Variants in SRGAP2C observed in about 807,000 individuals in gnomAD.
SRGAP2C encodes SLIT-ROBO Rho GTPase-activating protein 2C.
A neutral mutation model predicts 25.1 loss-of-function variants in SRGAP2C; 15 were observed. The observed-to-expected ratio is 0.60, with a 90% confidence interval of 0.40 to 0.92. The LOEUF is 0.92. SRGAP2C is among the 40% of genes least tolerant of loss of function. The pLI, the probability that SRGAP2C is intolerant of heterozygous loss-of-function variation, is 0.00. For missense variants in SRGAP2C, 144 were observed against 264.4 expected (o/e 0.54, Z 3.16); for synonymous variants, 44 against 96.6 (o/e 0.46, Z 3.19).
At chr1:121,313,666 A>G (rs1163486321) in intron 3 of SRGAP2C, among the ~76,000 whole-genome samples, 1 of 94,818 alleles carries the variant, frequency 1.1e-5, no homozygotes, top group Non-Finnish European at 2.2e-5. Context: ...AAAGTATTTT[A>G]TTTCTCCTTC....
intron 4 of SRGAP2C, among the ~76,000 whole-genome samples, chr1:121,337,681 A>G (rs1460087624): frequency 6.8e-6 from 1 of 146,894 alleles, no homozygotes; most frequent in Admixed American, 6.8e-5. Context: ...CCTCTCTGAG[A>G]AAAGGAGAGG....
intron 3 of SRGAP2C, among the ~76,000 whole-genome samples, chr1:121,319,013 G>A: frequency 6.7e-6 from 1 of 148,656 alleles, no homozygotes; most frequent in South Asian, 2.2e-4. Context: ...CAGCAATCTT[G>A]GCCCTGGCCC....
At chr1:121,313,604 C>G (rs1658013768) in intron 3 of SRGAP2C, among the ~76,000 whole-genome samples, 1 of 133,222 alleles carries the variant, frequency 7.5e-6, no homozygotes, top group African/African-American at 2.9e-5. Context: ...TTCAGGAGCT[C>G]TTTTAGGGCA....
chr1:121,338,523 T>G (rs1658570910), intron 4 of SRGAP2C, among the ~76,000 whole-genome samples: 1 of 133,668 alleles, frequency 7.5e-6, no homozygotes, highest in Non-Finnish European at 1.6e-5. Flanking sequence ...CTTTCTTTGC[T>G]TTTAAGCCCA....
intron 4 of SRGAP2C, among the ~76,000 whole-genome samples, chr1:121,350,977 CA>C (rs1466260727): frequency 1.3e-4 from 19 of 146,130 alleles, no homozygotes; most frequent in South Asian, 4.6e-4. Flanking sequence ...CACAAATGGC[CA>C]ACAAGCACAT....
At chr1:121,263,430 CAA>C (rs1182973540) in intron 2 of SRGAP2C, among the ~76,000 whole-genome samples, 2 of 87,998 alleles carry the variant, frequency 2.3e-5, no homozygotes, top group African/African-American at 4.0e-5. Flanking sequence ...GACTCCGTCT[CAA>C]AAAAAAAAAA....
At chr1:121,223,941 TA>T (rs1479322429) in intron 2 of SRGAP2C, among the ~76,000 whole-genome samples, 1 of 140,698 alleles carries the variant, frequency 7.1e-6, no homozygotes, top group Non-Finnish European at 1.5e-5. Context: ...GTCTAAAATA[TA>T]AAAACCTCAA....
intron 5 of SRGAP2C, among the ~76,000 whole-genome samples, chr1:121,370,740 G>C (rs1456367603): frequency 1.3e-5 from 2 of 151,384 alleles, no homozygotes; most frequent in Non-Finnish European, 1.5e-5. Context: ...CACCATGCCC[G>C]GCCTGTTCTC....
intron 4 of SRGAP2C, among the ~76,000 whole-genome samples, chr1:121,335,863 GAC>G (rs1658504445): frequency 6.6e-6 from 1 of 151,388 alleles, no homozygotes; most frequent in Admixed American, 6.6e-5. Context: ...TTGCATATTG[GAC>G]ATCATAGATA....
At chr1:121,355,178 G>A (rs1202743467) in intron 4 of SRGAP2C, among the ~76,000 whole-genome samples, 1 of 146,022 alleles carries the variant, frequency 6.8e-6, no homozygotes, top group Non-Finnish European at 1.5e-5. Context: ...CCCAATGAGA[G>A]ATTTAACACA....
intron 2 of SRGAP2C, among the ~76,000 whole-genome samples, chr1:121,192,099 T>C (rs1553319877): frequency 6.6e-6 from 1 of 151,878 alleles, no homozygotes; most frequent in East Asian, 1.9e-4. Flanking sequence ...TATATATACT[T>C]GGGAATGTTG....
intron 2 of SRGAP2C, among the ~76,000 whole-genome samples, chr1:121,241,190 A>T (rs1656117473): frequency 2.0e-5 from 1 of 49,484 alleles, no homozygotes; most frequent in Non-Finnish European, 3.6e-5. Flanking sequence ...TTGTTAGAGC[A>T]AGAACTCTCT....
chr1:121,254,058 A>T (rs1469137609), intron 2 of SRGAP2C, among the ~76,000 whole-genome samples: 1 of 150,100 alleles, frequency 6.7e-6, no homozygotes, highest in East Asian at 2.0e-4. Flanking sequence ...GACTGCAGGC[A>T]TGCGCCACCA....
chr1:121,390,632 G>T lies in SRGAP2C; in HGVS notation c.*2777G>T, dbSNP rs1205816102. On this transcript the variant is annotated 3_prime_UTR_variant, in exon 10 of 10. Coordinates refer to ENST00000367123, the MANE Select transcript of SRGAP2C (RefSeq NM_001329984.2). ...AGATGACATCAATTGGGAATTTGAG[G>T]CATGACCTATAAAGATCAGTTGCTT... 176 of 77,142 alleles carry T rather than the reference G, an allele frequency of 2.3e-3. 3 individuals carry two copies. The highest frequency in any genetic ancestry group is 9.0e-3 in the African/African-American group (164 of 18,324). 4.8% of individuals were successfully genotyped at this position (77,142 alleles called of 1,614,324 possible).
At chr1:121,188,264 G>A (rs1198697312) in intron 2 of SRGAP2C, among the ~76,000 whole-genome samples, 1 of 152,176 alleles carries the variant, frequency 6.6e-6, no homozygotes, top group African/African-American at 2.4e-5. Flanking sequence ...TGCTTTTAAA[G>A]CCCCATTTCC....
intron 3 of SRGAP2C, among the ~76,000 whole-genome samples, chr1:121,306,149 G>A (rs1657831906): frequency 6.6e-6 from 1 of 151,624 alleles, no homozygotes; most frequent in Non-Finnish European, 1.5e-5. Flanking sequence ...TCACCAGCTT[G>A]CAAATAAAGT....
At chr1:121,224,940 A>G (rs1484583014) in intron 2 of SRGAP2C, among the ~76,000 whole-genome samples, 1 of 113,760 alleles carries the variant, frequency 8.8e-6, no homozygotes, top group African/African-American at 3.6e-5. Flanking sequence ...CTGAATGTGG[A>G]CTATGGCTGC....
chr1:121,213,021 C>T (rs1389252166), intron 2 of SRGAP2C, among the ~76,000 whole-genome samples: 1 of 145,894 alleles, frequency 6.9e-6, no homozygotes, highest in Non-Finnish European at 1.5e-5. Flanking sequence ...GAACTCTTGG[C>T]CTCTCTGATA....
At chr1:121,302,308 T>G (rs1657720203) in intron 3 of SRGAP2C, among the ~76,000 whole-genome samples, 1 of 152,156 alleles carries the variant, frequency 6.6e-6, no homozygotes, top group East Asian at 1.9e-4. Context: ...ATGCAATCTG[T>G]AAACAGTTTT....
Sources: allele counts gnomAD v4.1 joint callset (sites outside exome capture counted in the v4.1 genomes callset), GRCh38; gene constraint gnomAD v4.1.1; transcripts MANE v1.5; gene names NCBI Gene and HGNC (gene_info 2026-07-23, HGNC 2026-07-21).